Variants in CORO1C observed in about 807,000 individuals in gnomAD.
CORO1C encodes coronin-1C.
CORO1C carries 14 observed loss-of-function variants against 51.2 expected under a neutral mutation model. That is an observed-to-expected ratio of 0.27 (90% confidence interval 0.18 to 0.43). CORO1C has a LOEUF of 0.43. Among genes scored for constraint, CORO1C ranks in the 20% least tolerant of loss-of-function variants. CORO1C has a pLI of 1.00. For missense variants in CORO1C, 417 were observed against 607.8 expected, an observed-to-expected ratio of 0.69 and a Z score of 3.30; for synonymous variants, 181 against 210.5, an observed-to-expected ratio of 0.86 and a Z score of 1.21.
At chr12:108,684,390 T>A (rs1476088651) in intron 2 of CORO1C, among the ~76,000 whole-genome samples, 5 of 151,940 alleles carry the variant, frequency 3.3e-5, no homozygotes, top group African/African-American at 1.2e-4. Flanking sequence ...CAGGTAGAGG[T>A]GAGGAAGTCC....
chr12:108,720,536 T>TC (rs2035451374), intron 1 of CORO1C, among the ~76,000 whole-genome samples: 1 of 151,966 alleles, frequency 6.6e-6, no homozygotes, highest in Non-Finnish European at 1.5e-5. Context: ...TTTTTTTTTT[T>TC]TATTTGAGAT....
chr12:108,670,743 CAG>C (rs1187607123), intron 3 of CORO1C, among the ~76,000 whole-genome samples: 1 of 151,844 alleles, frequency 6.6e-6, no homozygotes, highest in East Asian at 1.9e-4. Flanking sequence ...AAATAAGACA[CAG>C]AATAAGATCC....
chr12:108,678,060 TACA>T (rs2033972608), intron 3 of CORO1C, among the ~76,000 whole-genome samples: 1 of 151,850 alleles, frequency 6.6e-6, no homozygotes, highest in African/African-American at 2.4e-5. Context: ...GACACTGCAG[TACA>T]ACCTTTTTGA....
intron 1 of CORO1C, among the ~76,000 whole-genome samples, chr12:108,710,162 T>C (rs925398081): frequency 6.6e-6 from 1 of 152,192 alleles, no homozygotes; most frequent in South Asian, 2.1e-4. Flanking sequence ...TAAAAATTGA[T>C]ACACCTTTGA....
At chr12:108,717,974 T>A (rs2035380363) in intron 1 of CORO1C, among the ~76,000 whole-genome samples, 1 of 152,146 alleles carries the variant, frequency 6.6e-6, no homozygotes, top group African/African-American at 2.4e-5. Flanking sequence ...TCCCAGCACT[T>A]TGGGAGGCCA....
intron 1 of CORO1C, among the ~76,000 whole-genome samples, chr12:108,707,383 T>C (rs571677904): frequency 1.3e-5 from 2 of 152,342 alleles, no homozygotes; most frequent in East Asian, 3.9e-4. Flanking sequence ...AGTAAACTCA[T>C]ACATCTTTGG....
At chr12:108,729,529 A>G (rs1437531909) in intron 1 of CORO1C, among the ~76,000 whole-genome samples, 1 of 152,230 alleles carries the variant, frequency 6.6e-6, no homozygotes, top group African/African-American at 2.4e-5. Flanking sequence ...TCCTCAGTAC[A>G]CACGACTAAC....
In CORO1C at chr12:108,648,798, G is replaced by GCGGC; in HGVS notation, c.1108_1111dup (p.Ala371GlyfsTer43). 6.2e-7 allele frequency: 1 copy of GCGGC among 1,614,190 alleles called. No homozygotes were observed. The highest frequency in any genetic ancestry group is 8.5e-7 in the Non-Finnish European group (1 of 1,180,040). ...TTCGAACCACTCTTCTGCCTCCAGCGCGGCCTCTGGCCCCGCTGTGTCAGG... is the reference window on the plus strand; with the variant it reads ...TTCGAACCACTCTTCTGCCTCCAGCGCGGCCGGCCTCTGGCCCCGCTGTGTCAGG... On this transcript the variant is annotated frameshift_variant, in exon 10 of 11. Coordinates refer to ENST00000261401, the MANE Select transcript of CORO1C (RefSeq NM_014325.4). LOFTEE classifies it high-confidence loss of function.
At chr12:108,697,950 T>G (rs1329710455) in intron 2 of CORO1C, among the ~76,000 whole-genome samples, 1 of 152,196 alleles carries the variant, frequency 6.6e-6, no homozygotes, top group Non-Finnish European at 1.5e-5. Context: ...AAGAAGGCAG[T>G]CAGCCCCATA....
chr12:108,689,161 C>T (rs1159756022), intron 2 of CORO1C, among the ~76,000 whole-genome samples: 1 of 152,178 alleles, frequency 6.6e-6, no homozygotes, highest in African/African-American at 2.4e-5. Context: ...GATCGCACCA[C>T]TGCACTCCAG....
At chr12:108,689,444 C>G (rs2034421439) in intron 2 of CORO1C, among the ~76,000 whole-genome samples, 1 of 152,202 alleles carries the variant, frequency 6.6e-6, no homozygotes, top group African/African-American at 2.4e-5. Context: ...CAATTTCTTT[C>G]AAGTTTGCAT....
At chr12:108,676,640 C>T (rs904141717) in intron 3 of CORO1C, among the ~76,000 whole-genome samples, 3 of 151,838 alleles carry the variant, frequency 2.0e-5, no homozygotes, top group Non-Finnish European at 4.4e-5. Flanking sequence ...GGCATGGTGG[C>T]GCAGGGCTGT....
At chr12:108,699,467 C>T (rs1391265483) in intron 2 of CORO1C, among the ~76,000 whole-genome samples, 1 of 152,202 alleles carries the variant, frequency 6.6e-6, no homozygotes, top group Non-Finnish European at 1.5e-5. Flanking sequence ...ATTTATCCCT[C>T]AGTCTATAAA....
rs1362506096 is a variant in CORO1C at position 108,726,449 on chromosome 12, A to G, written c.-6+4980T>C. Among the ~76,000 whole-genome samples, 3 of 151,958 alleles carry G rather than the reference A, an allele frequency of 2.0e-5. No individual in the cohort carries two copies. In the South Asian group the frequency reaches 6.2e-4, roughly 32 times the overall value. On this transcript the variant is annotated intron_variant, in intron 1 of 10. Coordinates refer to ENST00000261401, the MANE Select transcript of CORO1C (RefSeq NM_014325.4). ...CTCAAAAAAAAAAAAAATGAACATA[A>G]GAACACAAAATATAACTAAAGAATA...
chr12:108,652,187 G>A, intron 8 of CORO1C, 85 bp downstream of exon 8: 5 of 1,248,404 alleles, frequency 4.0e-6, no homozygotes, highest in South Asian at 1.4e-5. Flanking sequence ...ATATTTTTGA[G>A]ATCTGAAGTA....
At chr12:108,717,800 T>A (rs1378899290) in intron 1 of CORO1C, among the ~76,000 whole-genome samples, 1 of 152,206 alleles carries the variant, frequency 6.6e-6, no homozygotes, top group African/African-American at 2.4e-5. Flanking sequence ...TACTTTAAAA[T>A]TTATTTTTTA....
chr12:108,691,216 C>A (rs1410571318), intron 2 of CORO1C, among the ~76,000 whole-genome samples: 1 of 152,146 alleles, frequency 6.6e-6, no homozygotes, highest in African/African-American at 2.4e-5. Flanking sequence ...ACCGTTCCTC[C>A]AAGAAAGCAG....
chr12:108,665,708 A>G (rs1308671112), intron 3 of CORO1C, among the ~76,000 whole-genome samples: 1 of 152,220 alleles, frequency 6.6e-6, no homozygotes, highest in Non-Finnish European at 1.5e-5. Context: ...TTAAGGAATT[A>G]ATTAACCCTC....
intron 3 of CORO1C, 116 bp downstream of exon 3, chr12:108,678,156 G>T: frequency 1.2e-6 from 1 of 803,424 alleles, no homozygotes; most frequent in Non-Finnish European, 1.8e-6. Flanking sequence ...AGTCAAAACT[G>T]CTATAACGTT....
Sources: gnomAD v4.1 joint callset for allele counts (sites outside exome capture counted in the v4.1 genomes callset) on GRCh38, gnomAD v4.1.1 for gene constraint, MANE v1.5 for transcripts, NCBI Gene and HGNC (gene_info 2026-07-23, HGNC 2026-07-21) for gene names.